SULT6B1: variants seen among roughly 807,000 people sequenced by gnomAD.
SULT6B1 encodes sulfotransferase family 6B member 1.
Under a neutral mutation model 37.2 loss-of-function variants are expected in SULT6B1, and 44 were observed. That is an observed-to-expected ratio of 1.18 (90% confidence interval 0.93 to 1.52). SULT6B1 has a LOEUF of 1.52. SULT6B1 is among the 40% of genes most tolerant of loss of function. SULT6B1 has a pLI of 0.00. For missense variants in SULT6B1, 450 were observed against 361.0 expected, an observed-to-expected ratio of 1.25 and a Z score of -2.00; for synonymous variants, 140 against 126.0, an observed-to-expected ratio of 1.11 and a Z score of -0.74.
At chr2:37,181,930 G>T (rs941384087) in intron 3 of SULT6B1, among the ~76,000 whole-genome samples, 7 of 152,202 alleles carry the variant, frequency 4.6e-5, no homozygotes, top group African/African-American at 1.7e-4. Context: ...GGGGATACTG[G>T]AGATCTTTAT....
intron 1 of SULT6B1, among the ~76,000 whole-genome samples, chr2:37,187,703 G>C (rs1432907042): frequency 1.3e-5 from 2 of 151,968 alleles, no homozygotes; most frequent in Non-Finnish European, 2.9e-5. Flanking sequence ...CTTTAACAAG[G>C]GACAATGCTT....
At chr2:37,193,587 A>G (rs1676826506), upstream of SULT6B1, among the ~76,000 whole-genome samples, 2 of 146,256 alleles carry the variant, frequency 1.4e-5, no homozygotes, top group Non-Finnish European at 3.0e-5. Context: ...AAGAAAAAGA[A>G]GAAGAAGAAA....
intron 2 of SULT6B1, among the ~76,000 whole-genome samples, chr2:37,186,409 C>T (rs1676674356): frequency 6.6e-6 from 1 of 152,136 alleles, no homozygotes; most frequent in Non-Finnish European, 1.5e-5. Context: ...TCTTGCCTTC[C>T]CTGGGCAGGG....
At chr2:37,181,229 A>G (rs962962927) in intron 3 of SULT6B1, among the ~76,000 whole-genome samples, 9 of 152,230 alleles carry the variant, frequency 5.9e-5, no homozygotes, top group African/African-American at 2.2e-4. Context: ...TTGCCATTTG[A>G]GGGCTTTATA....
intron 6 of SULT6B1, among the ~76,000 whole-genome samples, chr2:37,168,337 T>C (rs1476903667): frequency 2.0e-5 from 3 of 152,132 alleles, no homozygotes; most frequent in East Asian, 1.9e-4. Flanking sequence ...AATGTATTTT[T>C]AGTAGAGATG....
At chr2:37,176,079 G>A (rs933073190) in intron 4 of SULT6B1, among the ~76,000 whole-genome samples, 1 of 152,036 alleles carries the variant, frequency 6.6e-6, no homozygotes, top group African/African-American at 2.4e-5. Flanking sequence ...TACCACATTG[G>A]ACAATGCAGA....
rs368874788 is a variant in SULT6B1, at chr2:37,175,222, A to G, written c.534T>C (p.Ser178=). 1.9e-6 allele frequency: 3 copies of G among 1,574,862 alleles called. No individual in the cohort carries two copies. Among genetic ancestry groups the G allele is most frequent in the African/African-American group, 1.4e-5 (1 of 73,982 alleles). The change falls in exon 5 of 7, where the codon TCT becomes TCC. Residue 178 remains serine (S), a synonymous_variant. Coordinates refer to ENST00000535679, the MANE Select transcript of SULT6B1 (RefSeq NM_001367551.1). ...FFRQFMKGQV[S]WGRYFDFAIN... ...TTGCAAAATCAAAATACCTTCCCCA[A>G]GAAACTAAAAACACAGGGGGGAAGA...
upstream of SULT6B1, among the ~76,000 whole-genome samples, chr2:37,192,649 C>A (rs1445142965): frequency 6.6e-6 from 1 of 152,176 alleles, no homozygotes; most frequent in Non-Finnish European, 1.5e-5. Context: ...GCGGGATTAT[C>A]CCTTACATTA....
chr2:37,188,411 G>T, intron 1 of SULT6B1, 31 bp downstream of exon 1: 1 of 1,581,550 alleles, frequency 6.3e-7, no homozygotes, highest in Non-Finnish European at 8.7e-7. Flanking sequence ...ACTATGAGAA[G>T]TGTACTTGTA....
At chr2:37,174,205 G>T (rs927620389) in intron 5 of SULT6B1, among the ~76,000 whole-genome samples, 1 of 147,928 alleles carries the variant, frequency 6.8e-6, no homozygotes, top group Non-Finnish European at 1.5e-5. Context: ...CCCTCAGTAA[G>T]GTCTCTCCTA....
rs559357403 is a variant in SULT6B1, at chr2:37,179,116, G to A, written c.529+342C>T. Among the ~76,000 whole-genome samples the A allele has an allele frequency of 1.4e-4, 21 of 152,166 alleles. 2 individuals carry two copies. In the South Asian group the frequency reaches 3.3e-3, roughly 24 times the overall value. On this transcript the variant is annotated intron_variant, in intron 4 of 6. Transcript: ENST00000535679. The stretch of plus-strand genomic sequence containing the variant: ...TGGGACTACAGGTGCGTGCCACCAC[G>A]CCAGGCTAATTTTTTGTATTTTTAG...
Position 37,188,662 on chromosome 2 carries a change from C to T in SULT6B1, c.-22G>A, listed in dbSNP as rs749513654. On this transcript the variant is annotated 5_prime_UTR_variant, in exon 1 of 7. Transcript: ENST00000535679. ...CCATGGTGGCTCCCTGTAAAAGAAC[C>T]TGCTCTGTGGCTGTTCAGGGGGAGT... The T allele has an allele frequency of 1.5e-5, 13 of 885,810 alleles. No homozygotes were observed. In the East Asian group the frequency reaches 2.9e-4, roughly 20 times the overall value. 54.9% of individuals were successfully genotyped at this position (885,810 alleles called of 1,614,324 possible).
chr2:37,179,735 G>A, intron 3 of SULT6B1, 151 bp from the exon 4 acceptor site: 1 of 645,586 alleles, frequency 1.5e-6, no homozygotes, highest in Non-Finnish European at 2.5e-6. Context: ...TGAGGAACAG[G>A]AGGTGGCTGA....
intron 5 of SULT6B1, among the ~76,000 whole-genome samples, chr2:37,172,049 AATT>A (rs1199943851): frequency 1.1e-4 from 11 of 96,716 alleles, no homozygotes; most frequent in Non-Finnish European, 3.9e-5. Flanking sequence ...AAACTTGAAG[AATT>A]TTTTTTTTTT....
At chr2:37,169,210 T>C (rs56311719) in intron 6 of SULT6B1, among the ~76,000 whole-genome samples, 34,080 of 152,160 alleles carry the variant, frequency 0.22, 3,941 homozygotes, top group South Asian at 0.35. Context: ...TTCTATTTCC[T>C]ACCTCCTGAA....
upstream of SULT6B1, among the ~76,000 whole-genome samples, chr2:37,193,098 A>G (rs1676814728): frequency 1.3e-5 from 2 of 152,174 alleles, no homozygotes; most frequent in African/African-American, 4.8e-5. Context: ...CCGCAGACCT[A>G]TCAGGCTTTG....
intron 1 of SULT6B1, among the ~76,000 whole-genome samples, 190 bp downstream of exon 1, chr2:37,188,252 A>C (rs1399770852): frequency 3.9e-5 from 6 of 151,968 alleles, no homozygotes; most frequent in Admixed American, 1.3e-4. Context: ...CAGACACTGG[A>C]GTTTTTTAAT....
chr2:37,183,220 T>A (rs1676594354), intron 3 of SULT6B1, among the ~76,000 whole-genome samples: 1 of 152,212 alleles, frequency 6.6e-6, no homozygotes, highest in African/African-American at 2.4e-5. Flanking sequence ...TCTATGCATA[T>A]GTTTTATTTC....
At chr2:37,184,732 T>G (rs1268489051) in intron 2 of SULT6B1, among the ~76,000 whole-genome samples, 1 of 152,054 alleles carries the variant, frequency 6.6e-6, no homozygotes, top group Non-Finnish European at 1.5e-5. Context: ...CTCAGGAGGC[T>G]GAGGCAGGAG....
Sources: gnomAD v4.1 joint callset for allele counts (sites outside exome capture counted in the v4.1 genomes callset) on GRCh38, gnomAD v4.1.1 for gene constraint, MANE v1.5 for transcripts, NCBI Gene and HGNC (gene_info 2026-07-23, HGNC 2026-07-21) for gene names.